HTR2C: variants seen among roughly 807,000 people sequenced by gnomAD.
HTR2C encodes the protein 5-hydroxytryptamine receptor 2C, also known as 5-hydroxytryptamine (serotonin) receptor 2C, G protein-coupled.
Under a neutral mutation model 21.0 loss-of-function variants are expected in HTR2C, and 5 were observed. That is an observed-to-expected ratio of 0.24 (90% CI 0.12 to 0.50). The LOEUF is 0.50. Ranked by LOEUF, HTR2C falls within the 20% of genes least tolerant of loss-of-function variation. The pLI is 0.98. For synonymous variants in HTR2C, 150 were observed against 145.3 expected, an observed-to-expected ratio of 1.03 and a Z score of -0.23; for missense variants, 271 against 371.2, an observed-to-expected ratio of 0.73 and a Z score of 2.22.
chrX:114,670,969 A>C (rs1931360328), intron 2 of HTR2C, among the ~76,000 whole-genome samples: 1 of 112,329 alleles, frequency 8.9e-6, no homozygotes, highest in Non-Finnish European at 1.9e-5. Context: ...GGCTATTGTC[A>C]CTGAATTATC....
chrX:114,762,396 A>C (rs1302083205), intron 4 of HTR2C, among the ~76,000 whole-genome samples: 1 of 111,607 alleles, frequency 9.0e-6, no homozygotes, highest in African/African-American at 3.3e-5. Flanking sequence ...TTCTCAAAAC[A>C]TATACAGTTT....
intron 2 of HTR2C, among the ~76,000 whole-genome samples, chrX:114,627,880 A>G (rs1929442902): frequency 8.9e-6 from 1 of 112,121 alleles, no homozygotes; most frequent in South Asian, 3.7e-4. Flanking sequence ...TTATCATTAG[A>G]TCATAGGATC....
chrX:114,722,327 G>A (rs1460984070), intron 2 of HTR2C, among the ~76,000 whole-genome samples: 1 of 111,136 alleles, frequency 9.0e-6, no homozygotes, highest in Non-Finnish European at 1.9e-5. Context: ...TCTGTTATTG[G>A]TGTATAAGAA....
intron 2 of HTR2C, among the ~76,000 whole-genome samples, chrX:114,631,632 G>C (rs782323683): frequency 1.2e-3 from 134 of 111,695 alleles, no homozygotes; most frequent in Non-Finnish European, 1.7e-3. Flanking sequence ...TCTTATAGAT[G>C]ATGGCACCCA....
intron 1 of HTR2C, among the ~76,000 whole-genome samples, chrX:114,598,008 T>C (rs1276064799): frequency 9.0e-6 from 1 of 111,662 alleles, no homozygotes; most frequent in Non-Finnish European, 1.9e-5. Context: ...GACTGAGTAC[T>C]TCAGGGCTTC....
intron 2 of HTR2C, among the ~76,000 whole-genome samples, chrX:114,700,399 G>A (rs782710354): frequency 9.0e-6 from 1 of 111,691 alleles, no homozygotes; most frequent in Admixed American, 9.5e-5. Flanking sequence ...AGAAAGAGAA[G>A]CCTCAAGGAT....
intron 2 of HTR2C, among the ~76,000 whole-genome samples, chrX:114,685,820 C>T (rs1475530971): frequency 8.9e-6 from 1 of 111,812 alleles, no homozygotes; most frequent in Non-Finnish European, 1.9e-5. Context: ...AGTACTTTAT[C>T]CGTGTTAAAA....
chrX:114,880,286 G>A (rs1361802170), intron 5 of HTR2C, among the ~76,000 whole-genome samples: 1 of 110,452 alleles, frequency 9.1e-6, no homozygotes, highest in African/African-American at 3.3e-5. Flanking sequence ...TCTTATAAAT[G>A]AAATCATACA....
chrX:114,641,907 G>A (rs868968622), intron 2 of HTR2C, among the ~76,000 whole-genome samples: 1 of 110,070 alleles, frequency 9.1e-6, no homozygotes, highest in African/African-American at 3.3e-5. Flanking sequence ...CCCACTCCCC[G>A]GCAAAAAGCC....
chrX:114,743,999 G>T lies in HTR2C; in HGVS notation c.349+12392G>T, dbSNP rs73222950. 2.0e-3 allele frequency among the ~76,000 whole-genome samples: 228 copies of T among 111,666 alleles called. 1 individual carries two copies. In the Middle Eastern group the frequency reaches 0.032, roughly 16 times the overall value. ...CTAATCTACAGTGGCAGAAAGAACA[G>T]CAGTGATTGCTGGGGACAATCATGA... On this transcript the variant is annotated intron_variant, in intron 4 of 5. Transcript: ENST00000276198.
intron 4 of HTR2C, among the ~76,000 whole-genome samples, chrX:114,735,629 G>A (rs2069582829): frequency 9.2e-6 from 1 of 108,915 alleles, no homozygotes; most frequent in African/African-American, 3.3e-5. Flanking sequence ...ATAAACGAAT[G>A]ATAAGAATTA....
chrX:114,815,242 G>T (rs782693611), intron 4 of HTR2C, among the ~76,000 whole-genome samples: 23 of 109,612 alleles, frequency 2.1e-4, no homozygotes, highest in African/African-American at 6.9e-4. Context: ...TGTTTAGAAG[G>T]GCTGAAGTGT....
intron 4 of HTR2C, among the ~76,000 whole-genome samples, chrX:114,795,404 A>G (rs1163698760): frequency 1.8e-5 from 2 of 110,674 alleles, no homozygotes; most frequent in Non-Finnish European, 3.8e-5. Flanking sequence ...TTTTGTTGCC[A>G]TTGCTTTTGG....
rs7878348 is a variant in HTR2C at position 114,885,955 on chromosome X, T to C, written c.551-20634T>C. ...TCTTTAAAATCATAAAATGTAGTAT[T>C]GATGTGTTCAACTATTGTTGAATTG... On this transcript the variant is annotated intron_variant, in intron 5 of 5. Coordinates refer to ENST00000276198, the MANE Select transcript of HTR2C (RefSeq NM_000868.4). Among the ~76,000 whole-genome samples the C allele has an allele frequency of 2.5e-3, 279 of 111,503 alleles. 1 individual carries two copies. Among genetic ancestry groups the C allele is most frequent in the African/African-American group, 8.6e-3 (267 of 30,874 alleles).
intron 2 of HTR2C, among the ~76,000 whole-genome samples, chrX:114,684,032 G>A (rs1317763456): frequency 9.0e-6 from 1 of 111,614 alleles, no homozygotes; most frequent in African/African-American, 3.2e-5. Context: ...TGCCAGCAGT[G>A]AAAGTATATT....
intron 1 of HTR2C, among the ~76,000 whole-genome samples, chrX:114,588,597 A>T (rs782595224): frequency 2.9e-5 from 3 of 105,046 alleles, no homozygotes; most frequent in Non-Finnish European, 5.9e-5. Context: ...CAATGAATGA[A>T]TTGGCTAGGA....
intron 2 of HTR2C, among the ~76,000 whole-genome samples, chrX:114,679,426 G>A (rs1345360038): frequency 1.0e-4 from 11 of 109,916 alleles, no homozygotes; most frequent in Non-Finnish European, 2.1e-4. Context: ...TCACAGGCAC[G>A]CTCTACCATG....
chrX:114,637,960 T>G (rs782367955), intron 2 of HTR2C, among the ~76,000 whole-genome samples: 14 of 111,785 alleles, frequency 1.3e-4, no homozygotes, highest in African/African-American at 4.5e-4. Context: ...ATGTCTTTTT[T>G]CCCTGAGGAG....
intron 4 of HTR2C, among the ~76,000 whole-genome samples, chrX:114,791,061 G>C (rs1444356934): frequency 1.8e-5 from 2 of 111,189 alleles, no homozygotes; most frequent in Non-Finnish European, 3.8e-5. Context: ...TCAAAGAAAA[G>C]AAATTGCCAA....
Sources: allele counts gnomAD v4.1 joint callset (sites outside exome capture counted in the v4.1 genomes callset), GRCh38; gene constraint gnomAD v4.1.1; transcripts MANE v1.5; gene names NCBI Gene and HGNC (gene_info 2026-07-23, HGNC 2026-07-21).